SRGAP3: variants seen among roughly 807,000 people sequenced by gnomAD.
SRGAP3 encodes the protein SLIT-ROBO Rho GTPase-activating protein 3.
In SRGAP3, 39 loss-of-function variants were observed where a neutral mutation model predicts 121.1. The observed-to-expected ratio is 0.32, with a 90% CI of 0.25 to 0.42. The LOEUF (loss-of-function observed/expected upper bound fraction) is 0.42, where lower values mean the gene tolerates loss of function less well. SRGAP3 is among the 10% of genes least tolerant of loss of function. The probability of loss-of-function intolerance (pLI) is 1.00; values close to 1 mark genes in which losing one functional copy is unlikely to be tolerated. For missense variants in SRGAP3, 1,213 were observed against 1,470.6 expected (o/e 0.82, Z 2.86); for synonymous variants, 601 against 570.0 (o/e 1.05, Z -0.77).
At chr3:9,235,493 TTTTC>T (rs949932009) in intron 1 of SRGAP3, 1 of 146,286 alleles carries the variant, frequency 6.8e-6, no homozygotes, top group Non-Finnish European at 1.5e-5. Context: ...TAGCTATTTT[TTTTC>T]TTTTTCTTTT....
intron 1 of SRGAP3, among the ~76,000 whole-genome samples, chr3:9,168,771 T>C (rs1950879912): frequency 6.6e-6 from 1 of 152,242 alleles, no homozygotes; most frequent in East Asian, 1.9e-4. Context: ...AGGAAAAACC[T>C]ATTGATTCAT....
At chr3:9,035,059 A>AC (rs1352575282) in intron 11 of SRGAP3, 20 of 152,316 alleles carry the variant, frequency 1.3e-4, no homozygotes, top group African/African-American at 4.8e-4. Context: ...CTAAGGTCAC[A>AC]CAAATAAAAT....
intron 3 of SRGAP3, among the ~76,000 whole-genome samples, chr3:9,101,258 T>G (rs1948204416): frequency 6.6e-6 from 1 of 152,182 alleles, no homozygotes; most frequent in Non-Finnish European, 1.5e-5. Flanking sequence ...CCATCTCCTG[T>G]TTTATTTCTC....
intron 4 of SRGAP3, among the ~76,000 whole-genome samples, chr3:9,069,388 A>T (rs912496380): frequency 3.3e-5 from 5 of 152,160 alleles, no homozygotes; most frequent in African/African-American, 1.2e-4. Flanking sequence ...GCAGAGGTGG[A>T]TGCAGGAGCT....
Position 9,313,050 on chromosome 3 carries a change from C to T in SRGAP3, n.442+12960G>A, listed in dbSNP as rs60653221. 6.2e-3 allele frequency among the ~76,000 whole-genome samples: 937 copies of T among 152,046 alleles called. 11 individuals carry two copies. Among genetic ancestry groups the T allele is most frequent in the African/African-American group, 0.022 (897 of 41,466 alleles). ...CATCTTCCTCCTCTCCTGAAAAGCC[C>T]CCATTGCTCCCCATCTACAAGGCTG... is the stretch of plus-strand genomic sequence containing the variant. On this transcript the variant is annotated intron_variant and non_coding_transcript_variant, in intron 3 of 3. Transcript: ENST00000490889.
chr3:9,049,165 C>G (rs895906956), intron 9 of SRGAP3: 7 of 319,042 alleles, frequency 2.2e-5, no homozygotes, highest in Non-Finnish European at 4.3e-5. Flanking sequence ...CCTCTAACAT[C>G]ACCACCTTCC....
rs780658445 is a variant in SRGAP3, at chr3:9,176,209, C to A, written c.68-51292G>T. ...TGCTGGGATTACAGGCGTGAGCAAC[C>A]ACAACCAGCCTAGCTTGGGATTCTT... On this transcript the variant is annotated intron_variant, in intron 1 of 21. Transcript: ENST00000383836. Among the ~76,000 whole-genome samples the A allele has an allele frequency of 3.3e-5, 5 of 152,170 alleles. 1 individual carries two copies. The highest frequency in any genetic ancestry group is 4.4e-5 in the Non-Finnish European group (3 of 68,032).
At chr3:9,231,395 T>C (rs1450519844) in intron 1 of SRGAP3, among the ~76,000 whole-genome samples, 1 of 152,264 alleles carries the variant, frequency 6.6e-6, no homozygotes, top group African/African-American at 2.4e-5. Flanking sequence ...TCTGTCTCTT[T>C]AGAAAACTGG....
chr3:9,247,411 G>C (rs1953862351), intron 1 of SRGAP3, among the ~76,000 whole-genome samples: 1 of 152,172 alleles, frequency 6.6e-6, no homozygotes, highest in African/African-American at 2.4e-5. Context: ...TATGCCCAGA[G>C]GTGATGAGCA....
chr3:9,271,055 C>T (rs532301378), intron 3 of SRGAP3, among the ~76,000 whole-genome samples: 4 of 152,298 alleles, frequency 2.6e-5, no homozygotes, highest in Non-Finnish European at 4.4e-5. Context: ...GGCTATCAGC[C>T]GGGCCCAGTG....
At chr3:9,118,785 C>T (rs1387296299) in intron 2 of SRGAP3, among the ~76,000 whole-genome samples, 1 of 151,914 alleles carries the variant, frequency 6.6e-6, no homozygotes, top group Non-Finnish European at 1.5e-5. Flanking sequence ...AATGCCGCTG[C>T]TCCCATTCCC....
At chr3:9,175,513 CCCAGAAGGA>C (rs1951145787) in intron 1 of SRGAP3, among the ~76,000 whole-genome samples, 1 of 152,212 alleles carries the variant, frequency 6.6e-6, no homozygotes, top group Admixed American at 6.5e-5. Context: ...GCTGGATGGT[CCCAGAAGGA>C]CCCAGCACGG....
chr3:9,129,966 T>C (rs918421886), intron 1 of SRGAP3, among the ~76,000 whole-genome samples: 1 of 152,096 alleles, frequency 6.6e-6, no homozygotes, highest in African/African-American at 2.4e-5. Context: ...TTTACCATGT[T>C]AGCCAGGCTG....
intron 3 of SRGAP3, among the ~76,000 whole-genome samples, chr3:9,096,945 A>G (rs1474736774): frequency 2.6e-3 from 155 of 60,192 alleles, no homozygotes; most frequent in South Asian, 0.012. Context: ...TTGTATATAT[A>G]TATATATATA....
intron 1 of SRGAP3, among the ~76,000 whole-genome samples, chr3:9,129,156 T>C (rs1180525432): frequency 6.6e-6 from 1 of 152,118 alleles, no homozygotes; most frequent in Middle Eastern, 3.2e-3. Flanking sequence ...TCTTCAACTC[T>C]TGGGCTCAAG....
At chr3:9,286,005 G>A (rs1339718545) in intron 3 of SRGAP3, among the ~76,000 whole-genome samples, 1 of 151,846 alleles carries the variant, frequency 6.6e-6, no homozygotes, top group African/African-American at 2.4e-5. Context: ...CCCAGCTGCT[G>A]GGAGGCTGAA....
At chr3:9,302,743 T>C (rs772561858) in intron 3 of SRGAP3, among the ~76,000 whole-genome samples, 8 of 152,074 alleles carry the variant, frequency 5.3e-5, no homozygotes, top group Non-Finnish European at 7.4e-5. Context: ...CCGGATCCTA[T>C]CCCGGGGGAA....
intron 3 of SRGAP3, among the ~76,000 whole-genome samples, chr3:9,287,645 T>C (rs937279413): frequency 8.5e-5 from 13 of 152,188 alleles, no homozygotes; most frequent in African/African-American, 3.1e-4. Context: ...AAAAACTGTG[T>C]ATTGGGTACA....
In SRGAP3 at chr3:9,080,091, G is replaced by A; in HGVS notation, c.424-4C>T. The A allele has an allele frequency of 1.9e-6, 3 of 1,614,192 alleles. No homozygotes were observed. Among genetic ancestry groups the A allele is most frequent in the Non-Finnish European group, 2.5e-6 (3 of 1,180,024 alleles). On this transcript the variant is annotated splice_region_variant and splice_polypyrimidine_tract_variant and intron_variant, in intron 3 of 21. Transcript: ENST00000383836. ...TCTGCAGGCCAATCTCCTTGCTCTG[G>A]AATGTGGAAGAACAAATGTCAGCGG...
Sources: allele counts gnomAD v4.1 joint callset (sites outside exome capture counted in the v4.1 genomes callset), GRCh38; gene constraint gnomAD v4.1.1; transcripts MANE v1.5; gene names NCBI Gene and HGNC (gene_info 2026-07-23, HGNC 2026-07-21).